Variants in LIMCH1 observed in about 807,000 individuals in gnomAD.
The protein encoded by LIMCH1 is LIM and calponin homology domains 1.
LIMCH1 carries 113 observed loss-of-function variants against 176.5 expected under a neutral mutation model. The observed-to-expected ratio is 0.64, with a 90% CI of 0.55 to 0.75. LIMCH1 has a LOEUF of 0.75. LIMCH1 is among the 30% of genes least tolerant of loss of function. The pLI, the probability that LIMCH1 is intolerant of heterozygous loss-of-function variation, is 0.00. For synonymous variants in LIMCH1, 619 were observed against 645.9 expected, an observed-to-expected ratio of 0.96 and a Z score of 0.63; for missense variants, 1,674 against 1,814.9, an observed-to-expected ratio of 0.92 and a Z score of 1.41.
intron 13 of LIMCH1, among the ~76,000 whole-genome samples, chr4:41,636,340 CTTTTT>C (rs35828085): frequency 6.7e-5 from 7 of 104,946 alleles, no homozygotes; most frequent in South Asian, 3.3e-4. Flanking sequence ...TGCTTTATTA[CTTTTT>C]TTTTTTTTTT....
At chr4:41,515,063 C>T (rs1028910376) in intron 2 of LIMCH1, among the ~76,000 whole-genome samples, 3 of 152,196 alleles carry the variant, frequency 2.0e-5, no homozygotes, top group Non-Finnish European at 4.4e-5. Flanking sequence ...TCAGAATTCT[C>T]ATGGCCACAT....
intron 1 of LIMCH1, among the ~76,000 whole-genome samples, chr4:41,439,510 G>A (rs988040005): frequency 6.6e-6 from 1 of 152,078 alleles, no homozygotes; most frequent in Non-Finnish European, 1.5e-5. Flanking sequence ...TGTGAGCCCT[G>A]GAGGTCAAGG....
intron 1 of LIMCH1, among the ~76,000 whole-genome samples, chr4:41,567,289 A>G (rs1050426179): frequency 4.6e-5 from 7 of 152,182 alleles, no homozygotes; most frequent in Non-Finnish European, 7.3e-5. Flanking sequence ...TTAAAATGAA[A>G]GTGTTTTTAA....
At chr4:41,582,790 T>C (rs1182426111) in intron 1 of LIMCH1, among the ~76,000 whole-genome samples, 1 of 152,218 alleles carries the variant, frequency 6.6e-6, no homozygotes, top group Admixed American at 6.5e-5. Context: ...ATGATGTTGA[T>C]ATTTATAATT....
intron 2 of LIMCH1, 47 bp downstream of exon 2, chr4:41,599,073 G>T: frequency 8.7e-7 from 1 of 1,152,256 alleles, no homozygotes; most frequent in South Asian, 1.3e-5. Flanking sequence ...TTTATAGTTT[G>T]ATTTGCAATT....
At chr4:41,478,858 G>A (rs1396743108) in intron 1 of LIMCH1, among the ~76,000 whole-genome samples, 1 of 152,196 alleles carries the variant, frequency 6.6e-6, no homozygotes, top group Non-Finnish European at 1.5e-5. Context: ...GCAAATGAGT[G>A]TCATTAGTGA....
chr4:41,530,768 C>T (rs1292119567), intron 3 of LIMCH1, among the ~76,000 whole-genome samples: 3 of 122,364 alleles, frequency 2.5e-5, no homozygotes, highest in Admixed American at 9.7e-5. Context: ...GCACTCCAGC[C>T]GGGGCTACAA....
At chr4:41,489,015 G>A (rs189086031) in intron 1 of LIMCH1, among the ~76,000 whole-genome samples, 6 of 152,180 alleles carry the variant, frequency 3.9e-5, no homozygotes, top group South Asian at 4.1e-4. Context: ...ATGGCTGTTC[G>A]TGTCAAGGGA....
At chr4:41,386,424 G>A (rs998380244) in intron 1 of LIMCH1, among the ~76,000 whole-genome samples, 2 of 152,184 alleles carry the variant, frequency 1.3e-5, no homozygotes, top group Non-Finnish European at 2.9e-5. Context: ...TTATAGGGTT[G>A]TTTTCAGGAA....
intron 22 of LIMCH1, among the ~76,000 whole-genome samples, chr4:41,672,081 T>G (rs1263166726): frequency 6.6e-6 from 1 of 152,062 alleles, no homozygotes; most frequent in African/African-American, 2.4e-5. Context: ...TTAAAATGAA[T>G]GTGACAGACT....
chr4:41,597,665 T>G (rs919937487), intron 1 of LIMCH1, among the ~76,000 whole-genome samples: 2 of 152,192 alleles, frequency 1.3e-5, no homozygotes, highest in African/African-American at 4.8e-5. Flanking sequence ...TCCTTGCAGC[T>G]ATAGAATTCA....
At chr4:41,590,033 G>A (rs1471996099) in intron 1 of LIMCH1, among the ~76,000 whole-genome samples, 1 of 152,100 alleles carries the variant, frequency 6.6e-6, no homozygotes, top group Admixed American at 6.5e-5. Context: ...CCAAAGAGAG[G>A]TGCTCATATC....
At chr4:41,500,707 T>C (rs1037265234) in intron 2 of LIMCH1, among the ~76,000 whole-genome samples, 1 of 152,176 alleles carries the variant, frequency 6.6e-6, no homozygotes, top group Admixed American at 6.5e-5. Context: ...TATGACTATG[T>C]TGGGCACACC....
intron 13 of LIMCH1, among the ~76,000 whole-genome samples, chr4:41,637,468 G>A (rs528034980): frequency 6.6e-6 from 1 of 152,334 alleles, no homozygotes; most frequent in South Asian, 2.1e-4. Context: ...GGGATTACAA[G>A]CATGAGCCAC....
chr4:41,530,080 G>GGGT (rs2077091641), intron 3 of LIMCH1, among the ~76,000 whole-genome samples: 1 of 152,132 alleles, frequency 6.6e-6, no homozygotes, highest in Admixed American at 6.5e-5. Flanking sequence ...AAAGTTATCT[G>GGGT]CTTTAGTTTA....
chr4:41,377,949 A>G (rs532828791), intron 1 of LIMCH1, among the ~76,000 whole-genome samples: 1 of 152,206 alleles, frequency 6.6e-6, no homozygotes, highest in Non-Finnish European at 1.5e-5. Flanking sequence ...TCTATTTTTC[A>G]ACACTGCTGC....
At chr4:41,551,823 A>G (rs1561721131) in intron 1 of LIMCH1, among the ~76,000 whole-genome samples, 1 of 152,198 alleles carries the variant, frequency 6.6e-6, no homozygotes, top group Non-Finnish European at 1.5e-5. Flanking sequence ...AACAGAAAAC[A>G]TATGGACCAC....
intron 1 of LIMCH1, among the ~76,000 whole-genome samples, chr4:41,596,157 G>T (rs531071566): frequency 1.7e-4 from 26 of 151,066 alleles, no homozygotes; most frequent in Non-Finnish European, 3.2e-4. Context: ...ATCTCCATAC[G>T]TGCTCATAAA....
At position 41,683,511 on chromosome 4, in the gene LIMCH1, G is replaced by A. The variant is rs140325299; in HGVS notation, c.3846-886G>A. On this transcript the variant is annotated intron_variant, in intron 26 of 31. Transcript: ENST00000503057. ...TTTCCTCTGGGGCTCTGAGTTACCA[G>A]ATAGGTATTGGCAAGAGTGCATGCA... is the stretch of plus-strand genomic sequence containing the variant. Among the ~76,000 whole-genome samples the A allele has an allele frequency of 1.5e-3, 227 of 152,334 alleles. 2 individuals are homozygous for A. The highest frequency in any genetic ancestry group is 5.4e-3 in the African/African-American group (226 of 41,576).
Sources: allele counts gnomAD v4.1 joint callset (sites outside exome capture counted in the v4.1 genomes callset), GRCh38; gene constraint gnomAD v4.1.1; transcripts MANE v1.5; gene names NCBI Gene and HGNC (gene_info 2026-07-23, HGNC 2026-07-21).